Variants in ATG5 observed in about 807,000 individuals in gnomAD.
The protein encoded by ATG5 is autophagy related 5, also known as autophagy protein 5.
Under a neutral mutation model 36.5 loss-of-function variants are expected in ATG5, and 14 were observed. The observed-to-expected ratio is 0.38, with a 90% confidence interval of 0.25 to 0.60. The LOEUF (loss-of-function observed/expected upper bound fraction) is 0.60, where lower values mean the gene tolerates loss of function less well. ATG5 is among the 20% of genes least tolerant of loss of function. The pLI is 0.60. For missense variants in ATG5, 195 were observed against 326.7 expected (o/e 0.60, Z 3.11); for synonymous variants, 95 against 101.5 (o/e 0.94, Z 0.38).
intron 4 of ATG5, among the ~76,000 whole-genome samples, chr6:106,284,139 G>A (rs936015462): frequency 7.9e-5 from 12 of 152,084 alleles, no homozygotes; most frequent in African/African-American, 2.2e-4. Flanking sequence ...TTGTGTGGAC[G>A]CAAGTTATTT....
At chr6:106,305,636 G>A (rs1048660555) in intron 3 of ATG5, among the ~76,000 whole-genome samples, 1 of 152,240 alleles carries the variant, frequency 6.6e-6, no homozygotes, top group African/African-American at 2.4e-5. Flanking sequence ...ATAAATATAG[G>A]AAGGACGTTA....
intron 5 of ATG5, among the ~76,000 whole-genome samples, chr6:106,264,291 G>A (rs1170566369): frequency 6.6e-6 from 1 of 152,058 alleles, no homozygotes; most frequent in Non-Finnish European, 1.5e-5. Context: ...CACAAGATTA[G>A]AGAAAAAAGA....
At chr6:106,258,626 C>T (rs1373091230) in intron 5 of ATG5, among the ~76,000 whole-genome samples, 1 of 152,144 alleles carries the variant, frequency 6.6e-6, no homozygotes, top group African/African-American at 2.4e-5. Flanking sequence ...ACATGACATG[C>T]CCAGGGTCAT....
At chr6:106,296,344 C>CTATTTCATCACTCTAGAACT (rs1380486979) in intron 3 of ATG5, among the ~76,000 whole-genome samples, 2 of 152,122 alleles carry the variant, frequency 1.3e-5, no homozygotes, top group Non-Finnish European at 2.9e-5. Context: ...AAACATTTTA[C>CTATTTCATCACTCTAGAACT]TATTTCATCA....
At chr6:106,320,760 C>A (rs1255034261) in intron 1 of ATG5, among the ~76,000 whole-genome samples, 1 of 152,014 alleles carries the variant, frequency 6.6e-6, no homozygotes, top group Non-Finnish European at 1.5e-5. Context: ...ATGAAACATA[C>A]CAAACAGAAG....
intron 3 of ATG5, among the ~76,000 whole-genome samples, chr6:106,298,632 A>G (rs1770078103): frequency 6.6e-6 from 1 of 152,224 alleles, no homozygotes; most frequent in African/African-American, 2.4e-5. Flanking sequence ...ATGATTTTTT[A>G]AAAATAAAAA....
chr6:106,272,813 C>T (rs969380061), intron 5 of ATG5, among the ~76,000 whole-genome samples: 6 of 152,034 alleles, frequency 3.9e-5, no homozygotes, highest in African/African-American at 2.4e-5. Flanking sequence ...CCATGAAGAT[C>T]AAAGACAATG....
At chr6:106,312,418 G>A (rs1419597511) in intron 2 of ATG5, among the ~76,000 whole-genome samples, 2 of 152,070 alleles carry the variant, frequency 1.3e-5, no homozygotes, top group Non-Finnish European at 2.9e-5. Context: ...AGACATCTAA[G>A]TGAGGATCTC....
At chr6:106,272,551 T>C (rs1304312318) in intron 5 of ATG5, among the ~76,000 whole-genome samples, 3 of 151,758 alleles carry the variant, frequency 2.0e-5, no homozygotes, top group Non-Finnish European at 4.4e-5. Context: ...CACACCACTC[T>C]CTCTAGCCCT....
chr6:106,274,264 A>G (rs1429500343), intron 5 of ATG5, among the ~76,000 whole-genome samples: 2 of 152,166 alleles, frequency 1.3e-5, no homozygotes, highest in East Asian at 1.9e-4. Flanking sequence ...TAAAAATGCT[A>G]CTTTCTTTTA....
chr6:106,218,267 A>G (rs73775391), intron 6 of ATG5, among the ~76,000 whole-genome samples: 3,749 of 152,278 alleles, frequency 0.025, 65 homozygotes, highest in African/African-American at 0.049. Context: ...AAACTATAGA[A>G]AAGAGTGCAA....
chr6:106,292,233 C>T (rs546847976), intron 4 of ATG5, among the ~76,000 whole-genome samples: 36 of 152,116 alleles, frequency 2.4e-4, no homozygotes, highest in African/African-American at 7.2e-4. Flanking sequence ...TATAAGAGAC[C>T]GACATGGTGG....
chr6:106,292,087 TA>T (rs1780330209), intron 4 of ATG5, among the ~76,000 whole-genome samples: 1 of 152,162 alleles, frequency 6.6e-6, no homozygotes, highest in Non-Finnish European at 1.5e-5. Flanking sequence ...CTCTCTCCAA[TA>T]ATGTATTGGA....
chr6:106,321,004 T>A (rs1291049650), intron 1 of ATG5, among the ~76,000 whole-genome samples: 3 of 152,070 alleles, frequency 2.0e-5, no homozygotes, highest in Non-Finnish European at 4.4e-5. Flanking sequence ...GAAAGAGAAG[T>A]TGATGAAAAA....
intron 5 of ATG5, among the ~76,000 whole-genome samples, chr6:106,258,501 T>A (rs1262697958): frequency 6.6e-6 from 1 of 152,204 alleles, no homozygotes; most frequent in Non-Finnish European, 1.5e-5. Context: ...TATACACTTG[T>A]AAAGAATTTA....
At chr6:106,320,255 TGTG>T (rs1193533857) in intron 1 of ATG5, among the ~76,000 whole-genome samples, 2 of 152,336 alleles carry the variant, frequency 1.3e-5, no homozygotes, top group East Asian at 3.9e-4. Flanking sequence ...AATGTTACTC[TGTG>T]AGAGTTTTCA....
intron 4 of ATG5, among the ~76,000 whole-genome samples, chr6:106,292,483 C>A (rs949559144): frequency 2.6e-5 from 4 of 152,148 alleles, no homozygotes; most frequent in African/African-American, 9.7e-5. Flanking sequence ...TAGATCAAAT[C>A]TTTGGAATTC....
At chr6:106,306,547 C>T (rs1279398220) in intron 3 of ATG5, among the ~76,000 whole-genome samples, 1 of 152,274 alleles carries the variant, frequency 6.6e-6, no homozygotes, top group East Asian at 1.9e-4. Flanking sequence ...GGGTAGCCCA[C>T]CACAACAAAG....
chr6:106,300,042 A>T (rs1447459711), intron 3 of ATG5, among the ~76,000 whole-genome samples: 1 of 152,234 alleles, frequency 6.6e-6, no homozygotes, highest in East Asian at 1.9e-4. Flanking sequence ...AATGTGTTTC[A>T]CAGCTTTCTA....
Sources: gnomAD v4.1 joint callset for allele counts (sites outside exome capture counted in the v4.1 genomes callset) on GRCh38, gnomAD v4.1.1 for gene constraint, MANE v1.5 for transcripts, NCBI Gene and HGNC (gene_info 2026-07-23, HGNC 2026-07-21) for gene names.